The following DLG2 variants were observed in gnomAD, a reference collection of about 807,000 sequenced individuals.
The protein encoded by DLG2 is discs large MAGUK scaffold protein 2, also known as disks large homolog 2.
In DLG2, 45 loss-of-function variants were observed where a neutral mutation model predicts 132.5. The observed-to-expected ratio is 0.34, with a 90% CI of 0.27 to 0.44. DLG2 has a LOEUF of 0.44. Among genes scored for constraint, DLG2 ranks in the 20% least tolerant of loss-of-function variants. The pLI is 1.00. For synonymous variants in DLG2, 424 were observed against 419.6 expected, an observed-to-expected ratio of 1.01 and a Z score of -0.13; for missense variants, 1,045 against 1,196.9, an observed-to-expected ratio of 0.87 and a Z score of 1.87.
chr11:83,885,690 G>A (rs1376985226), intron 15 of DLG2, among the ~76,000 whole-genome samples: 1 of 152,200 alleles, frequency 6.6e-6, no homozygotes, highest in Non-Finnish European at 1.5e-5. Flanking sequence ...GTTAAGGGCA[G>A]CCAGAGAGAA....
At chr11:85,094,599 C>T (rs898665621) in intron 6 of DLG2, among the ~76,000 whole-genome samples, 4 of 152,196 alleles carry the variant, frequency 2.6e-5, no homozygotes, top group Admixed American at 2.6e-4. Flanking sequence ...GCAACATCTG[C>T]TAGCTTGCAA....
At chr11:85,048,816 T>C (rs1307589392) in intron 6 of DLG2, among the ~76,000 whole-genome samples, 1 of 152,052 alleles carries the variant, frequency 6.6e-6, no homozygotes. Context: ...ATTACTTGCA[T>C]ACTTAAATTA....
intron 6 of DLG2, among the ~76,000 whole-genome samples, chr11:84,907,493 C>A (rs1482119014): frequency 5.3e-5 from 8 of 152,054 alleles, no homozygotes; most frequent in African/African-American, 1.7e-4. Context: ...GATGCTAAGC[C>A]CGCAAAACAA....
At chr11:84,704,248 T>C (rs1051754857) in intron 6 of DLG2, among the ~76,000 whole-genome samples, 1 of 151,502 alleles carries the variant, frequency 6.6e-6, no homozygotes. Context: ...ACACTCTATG[T>C]TCACAGATGC....
intron 6 of DLG2, among the ~76,000 whole-genome samples, chr11:85,086,806 A>G (rs55893782): frequency 0.014 from 2,119 of 152,310 alleles, 48 homozygotes; most frequent in African/African-American, 0.047. Context: ...CATATCAATC[A>G]TAGCAAGAGT....
At chr11:85,168,483 T>C (rs1245234487) in intron 4 of DLG2, among the ~76,000 whole-genome samples, 1 of 151,910 alleles carries the variant, frequency 6.6e-6, no homozygotes, top group Non-Finnish European at 1.5e-5. Context: ...AGAAATGAAA[T>C]AGAAAAGGTA....
chr11:84,026,146 A>C (rs1045859114), intron 11 of DLG2, among the ~76,000 whole-genome samples: 2 of 152,074 alleles, frequency 1.3e-5, no homozygotes, highest in African/African-American at 4.8e-5. Context: ...AGAGGCACCA[A>C]GGCAGAGTTG....
At chr11:85,344,095 C>A (rs117202612) in intron 3 of DLG2, among the ~76,000 whole-genome samples, 4 of 152,182 alleles carry the variant, frequency 2.6e-5, no homozygotes, top group African/African-American at 7.2e-5. Flanking sequence ...GTTCTCCCCC[C>A]ATTGTGTGTT....
At chr11:85,202,148 A>G (rs1196819167) in intron 4 of DLG2, among the ~76,000 whole-genome samples, 1 of 149,820 alleles carries the variant, frequency 6.7e-6, no homozygotes, top group African/African-American at 2.5e-5. Context: ...AGCTTATTAA[A>G]AAAAAAAACC....
chr11:85,001,956 C>T (rs928233212), intron 6 of DLG2, among the ~76,000 whole-genome samples: 3 of 152,138 alleles, frequency 2.0e-5, no homozygotes, highest in African/African-American at 4.8e-5. Flanking sequence ...CTAAAAACAA[C>T]TTCCCTAAAA....
chr11:84,770,474 C>A (rs1028965011), intron 6 of DLG2, among the ~76,000 whole-genome samples: 1 of 152,050 alleles, frequency 6.6e-6, no homozygotes, highest in South Asian at 2.1e-4. Flanking sequence ...CCTCCGCCCT[C>A]GAGCAGGTCC....
chr11:84,613,857 T>C (rs909855385), intron 6 of DLG2, among the ~76,000 whole-genome samples: 6 of 152,126 alleles, frequency 3.9e-5, no homozygotes, highest in Non-Finnish European at 7.4e-5. Context: ...CATCAGAAAG[T>C]ACATTCTTAG....
At chr11:84,485,038 G>A (rs1206122868) in intron 7 of DLG2, among the ~76,000 whole-genome samples, 1 of 152,050 alleles carries the variant, frequency 6.6e-6, no homozygotes, top group Non-Finnish European at 1.5e-5. Context: ...CCTCAATTTA[G>A]AGATGATACA....
At chr11:85,299,737 T>G (rs2079468117) in intron 3 of DLG2, among the ~76,000 whole-genome samples, 1 of 152,200 alleles carries the variant, frequency 6.6e-6, no homozygotes, top group Non-Finnish European at 1.5e-5. Flanking sequence ...CACCAGAGTT[T>G]CTGATTCAGT....
chr11:85,041,036 T>TA (rs897527004), intron 6 of DLG2, among the ~76,000 whole-genome samples: 51 of 152,000 alleles, frequency 3.4e-4, no homozygotes, highest in African/African-American at 1.1e-3. Context: ...TTGGGGTCTT[T>TA]AGGGAATAGG....
At chr11:85,036,483 T>C (rs535426252) in intron 6 of DLG2, among the ~76,000 whole-genome samples, 2 of 152,286 alleles carry the variant, frequency 1.3e-5, no homozygotes, top group South Asian at 2.1e-4. Context: ...GTGAATCAAA[T>C]AGAAACTATT....
intron 6 of DLG2, among the ~76,000 whole-genome samples, chr11:84,645,783 A>C (rs1015226925): frequency 3.9e-5 from 6 of 152,304 alleles, no homozygotes; most frequent in African/African-American, 1.4e-4. Context: ...TATATTTAAT[A>C]ATGTTTTTGC....
At chr11:85,072,291 TC>T (rs1399425605) in intron 6 of DLG2, among the ~76,000 whole-genome samples, 1 of 151,838 alleles carries the variant, frequency 6.6e-6, no homozygotes, top group African/African-American at 2.4e-5. Context: ...CTTCAATTCT[TC>T]CTGTGTCCAT....
At position 85,042,444 on chromosome 11, in the gene DLG2, T is replaced by A. The variant is rs182572263; in HGVS notation, c.357+69217A>T. 2.6e-5 allele frequency among the ~76,000 whole-genome samples: 4 copies of A among 152,116 alleles called. No individual in the cohort carries two copies. The East Asian group carries it at 7.7e-4, about 29-fold the overall frequency. ...TATCTTAATTCTTGCAACATCCAAT[T>A]TTCCATTTTAGTGAAAACTAAGATT... On this transcript the variant is annotated intron_variant, in intron 6 of 27. Coordinates refer to ENST00000376104, the MANE Select transcript of DLG2 (RefSeq NM_001142699.3).
Sources: gnomAD v4.1 joint callset for allele counts (sites outside exome capture counted in the v4.1 genomes callset) on GRCh38, gnomAD v4.1.1 for gene constraint, MANE v1.5 for transcripts, NCBI Gene and HGNC (gene_info 2026-07-23, HGNC 2026-07-21) for gene names.